Variants in FGF2 observed in about 807,000 individuals in gnomAD.
FGF2 encodes the protein basic fibroblast growth factor bFGF.
FGF2 carries 13 observed loss-of-function variants against 15.9 expected under a neutral mutation model. The ratio of observed to expected loss-of-function variants is 0.82; its 90% confidence interval spans 0.53 to 1.30. FGF2 has a LOEUF of 1.30. FGF2 is among the 50% of genes most tolerant of loss of function. FGF2 has a pLI of 0.00. For synonymous variants in FGF2, 90 were observed against 78.4 expected, an observed-to-expected ratio of 1.15 and a Z score of -0.78; for missense variants, 163 against 196.9, an observed-to-expected ratio of 0.83 and a Z score of 1.03.
Position 122,836,016 on chromosome 4 carries a change from T to C in FGF2, c.178+8664T>C, listed in dbSNP as rs546801831. ...TTAAGATCCAGCCCAACAGACTTCT[T>C]TGTGAAACTTTCCTCTACCTTCCCA... is the stretch of plus-strand genomic sequence containing the variant. On this transcript the variant is annotated intron_variant, in intron 1 of 2. Coordinates refer to ENST00000644866, the MANE Select transcript of FGF2 (RefSeq NM_001361665.2). 7.9e-5 allele frequency among the ~76,000 whole-genome samples: 12 copies of C among 152,334 alleles called. No individual in the cohort carries two copies. The South Asian group carries it at 2.1e-3, about 26-fold the overall frequency.
Position 122,879,402 on chromosome 4 carries a change from G to A in FGF2, c.282+2978G>A, listed in dbSNP as rs142291386. Among the ~76,000 whole-genome samples, 385 of 152,228 alleles carry A rather than the reference G, an allele frequency of 2.5e-3. 1 individual carries two copies. The highest frequency in any genetic ancestry group is 9.0e-3 in the African/African-American group (373 of 41,540). On this transcript the variant is annotated intron_variant, in intron 2 of 2. Transcript: ENST00000644866. ...TTGGCTACTGTCAGACAGTGAGGGT[G>A]GTAGAGGAAAAAAAAGGAGTTGCAC...
In FGF2 at chr4:122,892,810, A is replaced by G; in HGVS notation, c.*414A>G. On this transcript the variant is annotated 3_prime_UTR_variant, in exon 3 of 3. Coordinates refer to ENST00000644866, the MANE Select transcript of FGF2 (RefSeq NM_001361665.2). ...GTCATTCGTTAGTCTACATGTTTCTAAACATATAAATGTGAATTTAATCAA... is the reference window on the plus strand; with the variant it reads ...GTCATTCGTTAGTCTACATGTTTCTGAACATATAAATGTGAATTTAATCAA... 1 of 1,561,652 alleles carries G rather than the reference A, an allele frequency of 6.4e-7. No homozygotes were observed. Among genetic ancestry groups the G allele is most frequent in the Middle Eastern group, 1.8e-4 (1 of 5,686 alleles).
At chr4:122,881,596 C>T (rs1021479962) in intron 2 of FGF2, among the ~76,000 whole-genome samples, 9 of 152,204 alleles carry the variant, frequency 5.9e-5, no homozygotes, top group African/African-American at 2.2e-4. Context: ...AGTTCCTCAT[C>T]TCCATTTGAG....
intron 1 of FGF2, among the ~76,000 whole-genome samples, chr4:122,864,873 A>T (rs1296274539): frequency 2.0e-5 from 3 of 152,146 alleles, no homozygotes; most frequent in Non-Finnish European, 4.4e-5. Context: ...TTTATTCTAG[A>T]TTGTTTTAAA....
At position 122,889,457 on chromosome 4, in the gene FGF2, T is replaced by A. The variant is rs190511635; in HGVS notation, c.283-2754T>A. Among the ~76,000 whole-genome samples the A allele has an allele frequency of 2.7e-4, 41 of 152,296 alleles. No homozygotes were observed. In the East Asian group the frequency reaches 3.1e-3, roughly 11 times the overall value. On this transcript the variant is annotated intron_variant, in intron 2 of 2. Transcript: ENST00000644866. The stretch of plus-strand genomic sequence containing the variant: ...AATAAAATTATAATGCACCAGTTTT[T>A]AATAGGCACACTGAGATCACAGTCA...
At chr4:122,851,738 C>T (rs1379684416) in intron 1 of FGF2, among the ~76,000 whole-genome samples, 2 of 152,152 alleles carry the variant, frequency 1.3e-5, no homozygotes, top group Non-Finnish European at 2.9e-5. Flanking sequence ...TGGCCCTAAC[C>T]CTAGCCTCAG....
At chr4:122,841,871 A>G (rs1316294153) in intron 1 of FGF2, among the ~76,000 whole-genome samples, 1 of 152,240 alleles carries the variant, frequency 6.6e-6, no homozygotes, top group Non-Finnish European at 1.5e-5. Flanking sequence ...TCAAAGTTAG[A>G]TATTCTCTGT....
At chr4:122,886,706 T>C (rs999261183) in intron 2 of FGF2, among the ~76,000 whole-genome samples, 1 of 152,222 alleles carries the variant, frequency 6.6e-6, no homozygotes, top group Non-Finnish European at 1.5e-5. Context: ...TGTGCCCTCC[T>C]CTTTGACATA....
intron 1 of FGF2, among the ~76,000 whole-genome samples, chr4:122,858,477 A>G (rs1690750314): frequency 6.6e-6 from 1 of 151,910 alleles, no homozygotes; most frequent in African/African-American, 2.4e-5. Flanking sequence ...GGCTCACTGC[A>G]ACTTCCGCCT....
Position 122,827,214 on chromosome 4 carries a change from G to C in FGF2, c.40G>C (p.Glu14Gln). ...CATCACCACGCTGCCCGCCTTGCCC[G>C]AGGATGGCGGCAGCGGCGCCTTCCC... ...GSITTLPALPEDGGSGAFPPG... is the reference protein window; with the variant it reads ...GSITTLPALPQDGGSGAFPPG... The change falls in exon 1 of 3, where the codon GAG becomes CAG. Residue 14 changes from glutamate (E) to glutamine (Q), a missense_variant. Coordinates refer to ENST00000644866, the MANE Select transcript of FGF2 (RefSeq NM_001361665.2). This position sits in a 1 kb window ranked among gnomAD's most constrained non-coding sequence, Gnocchi z 4.2. The C allele has an allele frequency of 6.2e-7, 1 of 1,609,982 alleles. No individual in the cohort carries two copies. The highest frequency in any genetic ancestry group is 8.5e-7 in the Non-Finnish European group (1 of 1,178,998).
intron 1 of FGF2, among the ~76,000 whole-genome samples, chr4:122,863,620 T>C (rs1459640939): frequency 2.0e-5 from 3 of 152,242 alleles, no homozygotes; most frequent in African/African-American, 7.2e-5. Flanking sequence ...CCCAGCCTTT[T>C]CATTTAATAA....
rs1245153409 is a variant in FGF2, at chr4:122,891,037, T to G, written c.283-1174T>G. Among the ~76,000 whole-genome samples, 750 of 128,160 alleles carry G rather than the reference T, an allele frequency of 5.9e-3. 15 individuals carry two copies. Among genetic ancestry groups the G allele is most frequent in the Non-Finnish European group, 8.7e-3 (535 of 61,152 alleles). 84.1% of individuals were successfully genotyped at this position (128,160 alleles called of 152,430 possible). A position where few individuals can be genotyped will look rare whatever the true frequency, so the allele number is the denominator to read the frequency against. On this transcript the variant is annotated intron_variant, in intron 2 of 2. Coordinates refer to ENST00000644866, the MANE Select transcript of FGF2 (RefSeq NM_001361665.2). Reference sequence around the variant, plus strand: ...ACAATTTATCTTTTTTTTTTTTTTGTTTTGTTTTGTTTTGTTTTTTTGAGA... The same window carrying G: ...ACAATTTATCTTTTTTTTTTTTTTGGTTTGTTTTGTTTTGTTTTTTTGAGA...
At chr4:122,831,355 A>C (rs1204388994) in intron 1 of FGF2, among the ~76,000 whole-genome samples, 1 of 152,100 alleles carries the variant, frequency 6.6e-6, no homozygotes, top group Non-Finnish European at 1.5e-5. Flanking sequence ...AGTTCTTACT[A>C]GTTTACGGGT....
chr4:122,889,596 T>TA (rs1249185119), intron 2 of FGF2, among the ~76,000 whole-genome samples: 1 of 152,142 alleles, frequency 6.6e-6, no homozygotes, highest in Non-Finnish European at 1.5e-5. Flanking sequence ...CTCATTTTTT[T>TA]AAAAAAATGC....
rs1727214313 is a variant in FGF2, at chr4:122,892,515, AT to A, written c.*125del. 18 of 1,533,542 alleles carry A rather than the reference AT, an allele frequency of 1.2e-5. No individual in the cohort carries two copies. Among genetic ancestry groups the A allele is most frequent in the Non-Finnish European group, 1.6e-5 (18 of 1,142,438 alleles). The allele number at this position is 1,533,542 out of a possible 1,614,324, so 95.0% of individuals were successfully genotyped here. ...CTCAGTTTGGATAATTGGTCAAACA[AT>A]TTTTTATCCAGTAGTAAAATATGTA... On this transcript the variant is annotated 3_prime_UTR_variant, in exon 3 of 3. Transcript: ENST00000644866.
chr4:122,836,300 C>T (rs1387770500), intron 1 of FGF2, among the ~76,000 whole-genome samples: 1 of 152,200 alleles, frequency 6.6e-6, no homozygotes, highest in Non-Finnish European at 1.5e-5. Flanking sequence ...ACCTTCCCTT[C>T]ACGTCTCCTG....
chr4:122,869,615 A>AC (rs1221125545), intron 1 of FGF2, among the ~76,000 whole-genome samples: 1 of 152,184 alleles, frequency 6.6e-6, no homozygotes, highest in African/African-American at 2.4e-5. Flanking sequence ...ACGGGAGTTC[A>AC]TTCATGATTT....
Position 122,848,130 on chromosome 4 carries a change from C to T in FGF2, c.178+20778C>T, listed in dbSNP as rs17006187. 4.5e-3 allele frequency among the ~76,000 whole-genome samples: 687 copies of T among 152,202 alleles called. 8 individuals are homozygous for T. Among genetic ancestry groups the T allele is most frequent in the African/African-American group, 0.016 (667 of 41,488 alleles). On this transcript the variant is annotated intron_variant, in intron 1 of 2. Coordinates refer to ENST00000644866, the MANE Select transcript of FGF2 (RefSeq NM_001361665.2). ...AAGACCAACTTATTCACTATGATGCCCCAAGGACACGGGTCAGAGACTTCC... is the reference window on the plus strand; with the variant it reads ...AAGACCAACTTATTCACTATGATGCTCCAAGGACACGGGTCAGAGACTTCC...
chr4:122,891,597 A>C (rs1727190868), intron 2 of FGF2, among the ~76,000 whole-genome samples: 1 of 152,212 alleles, frequency 6.6e-6, no homozygotes, highest in Non-Finnish European at 1.5e-5. Context: ...TTTTGGCATT[A>C]TATACCAATA....
Sources: gnomAD v4.1 joint callset for allele counts (sites outside exome capture counted in the v4.1 genomes callset) on GRCh38, gnomAD v4.1.1 for gene constraint, Gnocchi (gnomAD v3.1) non-coding constraint, MANE v1.5 for transcripts, NCBI Gene and HGNC (gene_info 2026-07-23, HGNC 2026-07-21) for gene names.